Variants in AMBRA1 observed in about 807,000 individuals in gnomAD.
AMBRA1 encodes the protein activating molecule in BECN1-regulated autophagy protein 1.
In AMBRA1, 47 loss-of-function variants were observed where a neutral mutation model predicts 125.4. That is an observed-to-expected ratio of 0.37 (90% CI 0.30 to 0.48). AMBRA1 has a LOEUF of 0.48. AMBRA1 is among the 20% of genes least tolerant of loss of function. The pLI is 0.99. For synonymous variants in AMBRA1, 626 were observed against 655.5 expected, an observed-to-expected ratio of 0.95 and a Z score of 0.69; for missense variants, 1,331 against 1,693.4, an observed-to-expected ratio of 0.79 and a Z score of 3.76.
At chr11:46,434,115 C>CAAAAAAAAAAAAAAAAAAAAAAAAAAA (rs145761376) in intron 13 of AMBRA1, among the ~76,000 whole-genome samples, 1 of 53,554 alleles carries the variant, frequency 1.9e-5, no homozygotes, top group African/African-American at 6.6e-5. Context: ...AACTCCGTCT[C>CAAAAAAAAAAAAAAAAAAAAAAAAAAA]AAAAAAAAAA....
intron 11 of AMBRA1, among the ~76,000 whole-genome samples, chr11:46,456,461 C>T (rs1948848949): frequency 6.6e-6 from 1 of 152,044 alleles, no homozygotes; most frequent in Non-Finnish European, 1.5e-5. Flanking sequence ...CATCATTATG[C>T]AATGCAGCTG....
chr11:46,414,924 G>C (rs747199812), intron 15 of AMBRA1, among the ~76,000 whole-genome samples: 5 of 152,202 alleles, frequency 3.3e-5, no homozygotes, highest in African/African-American at 4.8e-5. Context: ...CAAGGAGCTT[G>C]TTCCTCTGTC....
chr11:46,398,849 C>G (rs748494345), intron 17 of AMBRA1, among the ~76,000 whole-genome samples: 2 of 152,016 alleles, frequency 1.3e-5, no homozygotes, highest in Non-Finnish European at 1.5e-5. Context: ...TCTTGGCTCA[C>G]TGCAACCTCC....
chr11:46,565,431 G>A (rs549798734), intron 1 of AMBRA1, among the ~76,000 whole-genome samples: 5 of 152,134 alleles, frequency 3.3e-5, no homozygotes, highest in Admixed American at 6.5e-5. Context: ...TATCAGCTGG[G>A]TGCAGTGGCT....
rs111449703 is a variant in AMBRA1, at chr11:46,494,215, T to C, written c.2340-11A>G. Reference sequence around the variant, plus strand: ...CTGTCACCATTGTCCCTGAAAAAAATAAAAACACTACACATAAGAGAGTCA... The same window carrying C: ...CTGTCACCATTGTCCCTGAAAAAAACAAAAACACTACACATAAGAGAGTCA... On this transcript the variant is annotated splice_polypyrimidine_tract_variant and intron_variant, in intron 9 of 17. Coordinates refer to ENST00000683756, the MANE Select transcript of AMBRA1 (RefSeq NM_001387011.1). The C allele has an allele frequency of 3.9e-4, 619 of 1,588,894 alleles. 2 individuals carry two copies. The African/African-American group carries it at 7.4e-3, about 19-fold the overall frequency.
intron 14 of AMBRA1, among the ~76,000 whole-genome samples, chr11:46,432,460 G>A (rs1156544668): frequency 6.6e-6 from 1 of 152,140 alleles, no homozygotes; most frequent in Non-Finnish European, 1.5e-5. Flanking sequence ...AGAAGAGGCT[G>A]GAGAGGAAAG....
At chr11:46,563,611 G>A (rs556389905) in intron 1 of AMBRA1, among the ~76,000 whole-genome samples, 6 of 152,168 alleles carry the variant, frequency 3.9e-5, no homozygotes, top group Admixed American at 1.3e-4. Context: ...AAACAGAGGC[G>A]GCCAGATCAC....
chr11:46,491,618 T>C (rs1340515604), intron 11 of AMBRA1, among the ~76,000 whole-genome samples: 4 of 152,046 alleles, frequency 2.6e-5, no homozygotes, highest in African/African-American at 4.8e-5. Context: ...TTTTGAAAAA[T>C]TGGTAGAAAC....
chr11:46,454,313 G>A (rs1365538179), intron 11 of AMBRA1, among the ~76,000 whole-genome samples: 1 of 151,758 alleles, frequency 6.6e-6, no homozygotes, highest in Non-Finnish European at 1.5e-5. Context: ...ACAGGCGTGA[G>A]CCATCATGCC....
At chr11:46,576,836 A>G (rs2043975572) in intron 1 of AMBRA1, among the ~76,000 whole-genome samples, 1 of 152,232 alleles carries the variant, frequency 6.6e-6, no homozygotes. Flanking sequence ...TAAGAGTCTT[A>G]AATTCCTAAT....
At chr11:46,398,645 A>AT (rs1158381672) in intron 17 of AMBRA1, among the ~76,000 whole-genome samples, 1 of 151,238 alleles carries the variant, frequency 6.6e-6, no homozygotes, top group African/African-American at 2.4e-5. Context: ...CACCCAGCTA[A>AT]TTTTATATTT....
chr11:46,575,327 C>T (rs567693573), intron 1 of AMBRA1, among the ~76,000 whole-genome samples: 4 of 151,796 alleles, frequency 2.6e-5, no homozygotes, highest in Admixed American at 6.6e-5. Flanking sequence ...CGTGGTGGCA[C>T]GTGCCTGTAA....
rs977462246 is a variant in AMBRA1, at chr11:46,471,637, G to T, written c.2521+21971C>A. ...AATAACTTTCTTTCTGTTTTGTTTT[G>T]TTTTTTTTTTAGATGGAGTCTTGCT... On this transcript the variant is annotated intron_variant, in intron 11 of 17. Coordinates refer to ENST00000683756, the MANE Select transcript of AMBRA1 (RefSeq NM_001387011.1). Among the ~76,000 whole-genome samples the T allele has an allele frequency of 2.1e-5, 3 of 143,874 alleles. 1 individual carries two copies. Among genetic ancestry groups the T allele is most frequent in the African/African-American group, 7.6e-5 (3 of 39,566 alleles). 94.4% of individuals were successfully genotyped at this position (143,874 alleles called of 152,430 possible). A position where few individuals can be genotyped will look rare whatever the true frequency, so the allele number is the denominator to read the frequency against.
intron 15 of AMBRA1, among the ~76,000 whole-genome samples, chr11:46,417,349 C>T (rs1305771094): frequency 6.6e-6 from 1 of 152,082 alleles, no homozygotes; most frequent in African/African-American, 2.4e-5. Flanking sequence ...TGTGCCCAGC[C>T]CCAAATTGAG....
At chr11:46,580,251 A>G in intron 1 of AMBRA1, among the ~76,000 whole-genome samples, 1 of 152,108 alleles carries the variant, frequency 6.6e-6, no homozygotes, top group Non-Finnish European at 1.5e-5. Context: ...AATTCCTTGG[A>G]GTGTGGTCTT....
chr11:46,425,542 T>C (rs182420314), intron 14 of AMBRA1, among the ~76,000 whole-genome samples: 1 of 152,222 alleles, frequency 6.6e-6, no homozygotes, highest in African/African-American at 2.4e-5. Flanking sequence ...CTGATATCGG[T>C]TAGAACTGTG....
chr11:46,423,897 G>A (rs1048939180), intron 14 of AMBRA1, among the ~76,000 whole-genome samples: 2 of 151,634 alleles, frequency 1.3e-5, no homozygotes, highest in African/African-American at 4.9e-5. Context: ...CCGAGTAGCT[G>A]GGATTACAGG....
intron 11 of AMBRA1, among the ~76,000 whole-genome samples, chr11:46,485,088 C>T (rs986063370): frequency 1.3e-5 from 2 of 152,166 alleles, no homozygotes; most frequent in Non-Finnish European, 2.9e-5. Context: ...CAGGCACCTG[C>T]CACCACGCCC....
At chr11:46,547,327 G>C (rs1156618571) in intron 3 of AMBRA1, 31 bp from the exon 4 acceptor site, 1 of 1,561,894 alleles carries the variant, frequency 6.4e-7, no homozygotes, top group East Asian at 2.3e-5. Flanking sequence ...ACTGAATTCA[G>C]AAGCATGTGG....
Sources: gnomAD v4.1 joint callset for allele counts (sites outside exome capture counted in the v4.1 genomes callset) on GRCh38, gnomAD v4.1.1 for gene constraint, MANE v1.5 for transcripts, NCBI Gene and HGNC (gene_info 2026-07-23, HGNC 2026-07-21) for gene names.